The following CNTN1 variants were observed in gnomAD, a reference collection of about 807,000 sequenced individuals.
CNTN1 encodes contactin-1.
CNTN1 carries 38 observed loss-of-function variants against 126.4 expected under a neutral mutation model. The ratio of observed to expected loss-of-function variants is 0.30; its 90% CI spans 0.23 to 0.39. The LOEUF is 0.39. Among genes scored for constraint, CNTN1 ranks in the 10% least tolerant of loss-of-function variants. The pLI, the probability that CNTN1 is intolerant of heterozygous loss-of-function variation, is 1.00. For synonymous variants in CNTN1, 413 were observed against 422.6 expected (o/e 0.98, Z 0.28); for missense variants, 1,009 against 1,248.4 (o/e 0.81, Z 2.89).
At chr12:40,813,117 CTTT>C (rs1303366393) in intron 1 of CNTN1, among the ~76,000 whole-genome samples, 134 of 134,188 alleles carry the variant, frequency 1.0e-3, no homozygotes, top group African/African-American at 3.6e-3. Flanking sequence ...TTCTTTCTTT[CTTT>C]CCTTCTTTCT....
rs188051980 is a variant in CNTN1, at chr12:40,833,429, G to C, written c.-76-74928G>C. ...GTCTTTTCAATGACAGTTGTCTCCA[G>C]ATCTGTTGTCTTTAACAAACCTAAA... On this transcript the variant is annotated intron_variant, in intron 1 of 23. Transcript: ENST00000551295. 4.5e-3 allele frequency among the ~76,000 whole-genome samples: 679 copies of C among 152,184 alleles called. 9 individuals carry two copies. The highest frequency in any genetic ancestry group is 0.015 in the Admixed American group (228 of 15,290).
At chr12:40,758,885 TATA>T (rs1164648202) in intron 1 of CNTN1, among the ~76,000 whole-genome samples, 1 of 112 alleles carries the variant, frequency 8.9e-3, no homozygotes, top group Admixed American at 0.17. Context: ...ATTCAGGTTT[TATA>T]TATATATATA....
At chr12:40,698,007 C>T (rs939143868) in intron 1 of CNTN1, among the ~76,000 whole-genome samples, 3 of 152,088 alleles carry the variant, frequency 2.0e-5, no homozygotes, top group Non-Finnish European at 2.9e-5. Context: ...TAATTTTTCA[C>T]TCCTGTACTT....
chr12:40,909,327 A>G (rs1944945895), intron 2 of CNTN1, among the ~76,000 whole-genome samples: 2 of 151,934 alleles, frequency 1.3e-5, no homozygotes, highest in Non-Finnish European at 2.9e-5. Flanking sequence ...TAATTACCCA[A>G]CTAGTACTTA....
chr12:40,898,138 C>A (rs1334977704), intron 1 of CNTN1, among the ~76,000 whole-genome samples: 1 of 151,930 alleles, frequency 6.6e-6, no homozygotes, highest in African/African-American at 2.4e-5. Context: ...AATGGAGTAT[C>A]TTTGATGTGT....
intron 1 of CNTN1, among the ~76,000 whole-genome samples, chr12:40,898,759 T>G (rs1349230110): frequency 6.6e-6 from 1 of 152,224 alleles, no homozygotes; most frequent in Non-Finnish European, 1.5e-5. Context: ...TATGAGATCA[T>G]CAGTCTCATT....
intron 1 of CNTN1, among the ~76,000 whole-genome samples, chr12:40,737,241 T>C (rs1240713637): frequency 1.3e-5 from 2 of 151,002 alleles, no homozygotes; most frequent in Non-Finnish European, 3.0e-5. Context: ...TTTACACTTG[T>C]ATTAGTCAGG....
chr12:40,861,270 A>G (rs1030933432), intron 1 of CNTN1, among the ~76,000 whole-genome samples: 17 of 152,096 alleles, frequency 1.1e-4, no homozygotes, highest in Non-Finnish European at 2.4e-4. Flanking sequence ...GTCTCAGCCC[A>G]TTTATAAAAC....
At position 40,918,691 on chromosome 12, in the gene CNTN1, T is replaced by C. The variant is rs61754100; in HGVS notation, c.147T>C (p.Asn49=). Residue 49 remains asparagine (N), a synonymous_variant, in exon 4 of 24, where the codon AAT becomes AAC. Transcript: ENST00000551295. ...CAATTTTTGAAGAGCAGCCAATCAATACCATTTATCCAGAGGAATCACTGG... is the reference window on the plus strand; with the variant it reads ...CAATTTTTGAAGAGCAGCCAATCAACACCATTTATCCAGAGGAATCACTGG... The part of the protein sequence containing the change: ...FGPIFEEQPI[N]TIYPEESLEG... 7.8e-4 allele frequency: 1,257 copies of C among 1,613,380 alleles called. 2 individuals carry two copies. The highest frequency in any genetic ancestry group is 2.1e-3 in the Middle Eastern group (13 of 6,080).
chr12:40,708,894 C>T (rs1165014519), intron 1 of CNTN1, among the ~76,000 whole-genome samples: 1 of 152,122 alleles, frequency 6.6e-6, no homozygotes, highest in Non-Finnish European at 1.5e-5. Context: ...CTATTTCTAC[C>T]ACTTTTGCAT....
intron 1 of CNTN1, among the ~76,000 whole-genome samples, chr12:40,789,918 G>A (rs1254203130): frequency 2.6e-5 from 4 of 151,984 alleles, no homozygotes; most frequent in Non-Finnish European, 5.9e-5. Flanking sequence ...GGAACACGTG[G>A]AAGATTCTTA....
chr12:40,892,621 C>T (rs550712110), intron 1 of CNTN1, among the ~76,000 whole-genome samples: 12 of 152,150 alleles, frequency 7.9e-5, no homozygotes, highest in East Asian at 5.8e-4. Flanking sequence ...TATTGTGCTT[C>T]GACAGGAATG....
intron 1 of CNTN1, among the ~76,000 whole-genome samples, chr12:40,748,581 T>A (rs1938274867): frequency 6.6e-6 from 1 of 152,162 alleles, no homozygotes; most frequent in Non-Finnish European, 1.5e-5. Flanking sequence ...TTGTGCTTAT[T>A]TACATTGTTG....
intron 1 of CNTN1, among the ~76,000 whole-genome samples, chr12:40,790,444 G>T (rs6581960): frequency 0.96 from 146,428 of 152,158 alleles, 70,699 homozygotes; most frequent in East Asian, 1. Context: ...AGCTTTCAAT[G>T]AACATCTATG....
chr12:40,734,048 A>G (rs1942561216), intron 1 of CNTN1, among the ~76,000 whole-genome samples: 1 of 152,144 alleles, frequency 6.6e-6, no homozygotes, highest in African/African-American at 2.4e-5. Flanking sequence ...ACATCTTAAG[A>G]GCTCTGTAAA....
At chr12:41,032,635 G>T (rs1460139710) in intron 23 of CNTN1, among the ~76,000 whole-genome samples, 1 of 152,156 alleles carries the variant, frequency 6.6e-6, no homozygotes, top group Non-Finnish European at 1.5e-5. Context: ...TCTTGTTTCT[G>T]TTCTGATGTC....
At chr12:41,021,376 G>A (rs1310719368) in intron 20 of CNTN1, among the ~76,000 whole-genome samples, 1 of 151,202 alleles carries the variant, frequency 6.6e-6, no homozygotes, top group Non-Finnish European at 1.5e-5. Flanking sequence ...TGCATTCTCA[G>A]CTTCAGCACC....
At chr12:40,777,259 T>C (rs940939673) in intron 1 of CNTN1, among the ~76,000 whole-genome samples, 1 of 151,512 alleles carries the variant, frequency 6.6e-6, no homozygotes, top group Non-Finnish European at 1.5e-5. Context: ...TTTAATTCTC[T>C]ATATCCAATC....
chr12:40,992,105 A>T (rs1170525963), intron 16 of CNTN1, among the ~76,000 whole-genome samples: 3 of 152,192 alleles, frequency 2.0e-5, no homozygotes, highest in Non-Finnish European at 2.9e-5. Flanking sequence ...AGAAAGTCAA[A>T]AATATATGTC....
Sources: gnomAD v4.1 joint callset for allele counts (sites outside exome capture counted in the v4.1 genomes callset) on GRCh38, gnomAD v4.1.1 for gene constraint, MANE v1.5 for transcripts, NCBI Gene and HGNC (gene_info 2026-07-23, HGNC 2026-07-21) for gene names.